OSBPL9: variants seen among roughly 807,000 people sequenced by gnomAD.
OSBPL9 encodes oxysterol binding protein like 9, also known as oxysterol-binding protein-related protein 9.
Under a neutral mutation model 106.6 loss-of-function variants are expected in OSBPL9, and 40 were observed. That is an observed-to-expected ratio of 0.38 (90% CI 0.29 to 0.49). The LOEUF (loss-of-function observed/expected upper bound fraction) is 0.49, where lower values mean the gene tolerates loss of function less well. Among genes scored for constraint, OSBPL9 ranks in the 20% least tolerant of loss-of-function variants. OSBPL9 has a pLI of 0.97. For missense variants in OSBPL9, 609 were observed against 887.2 expected (o/e 0.69, Z 3.98); for synonymous variants, 269 against 295.4 (o/e 0.91, Z 0.92).
chr1:51,656,509 C>T (rs1570842550), intron 2 of OSBPL9, among the ~76,000 whole-genome samples: 3 of 152,062 alleles, frequency 2.0e-5, no homozygotes, highest in African/African-American at 7.2e-5. Context: ...TCTGCACCCC[C>T]TATCTGATGA....
At chr1:51,732,338 C>G (rs1463841989) in intron 4 of OSBPL9, among the ~76,000 whole-genome samples, 2 of 151,856 alleles carry the variant, frequency 1.3e-5, no homozygotes, top group African/African-American at 2.4e-5. Flanking sequence ...TACTGTAGAG[C>G]GAAAACAGAT....
chr1:51,626,377 C>T (rs574744573), intron 1 of OSBPL9, among the ~76,000 whole-genome samples: 1 of 152,000 alleles, frequency 6.6e-6, no homozygotes, highest in East Asian at 1.9e-4. Context: ...TATCTGCTTT[C>T]TCTCCTCTCT....
chr1:51,769,878 GT>G (rs1301266471), intron 12 of OSBPL9, among the ~76,000 whole-genome samples: 1 of 152,128 alleles, frequency 6.6e-6, no homozygotes, highest in African/African-American at 2.4e-5. Context: ...AGATTCATAT[GT>G]TATAGGATTT....
At chr1:51,609,905 G>C (rs549526035) in intron 2 of OSBPL9, among the ~76,000 whole-genome samples, 1 of 151,680 alleles carries the variant, frequency 6.6e-6, no homozygotes, top group African/African-American at 2.4e-5. Context: ...GTGCCACCAC[G>C]CCCGGCTAAT....
the OSBPL9 span, among the ~76,000 whole-genome samples, chr1:51,551,577 T>A: frequency 6.6e-6 from 1 of 151,958 alleles, no homozygotes; most frequent in African/African-American, 2.4e-5. Flanking sequence ...TTTATTTATT[T>A]ATTTATTTAT....
At chr1:51,783,837 A>G (rs1676972109) in intron 17 of OSBPL9, 78 bp from the exon 18 acceptor site, 1 of 1,101,642 alleles carries the variant, frequency 9.1e-7, no homozygotes, top group Non-Finnish European at 1.4e-6. Flanking sequence ...CATGAAGCCA[A>G]TTATTTCCCC....
At chr1:51,661,229 AG>A (rs1326491612) in intron 2 of OSBPL9, among the ~76,000 whole-genome samples, 1 of 152,198 alleles carries the variant, frequency 6.6e-6, no homozygotes, top group Non-Finnish European at 1.5e-5. Flanking sequence ...TCTATGTCTC[AG>A]AGGAGTCATC....
At chr1:51,782,718 A>G in intron 17 of OSBPL9, 75 bp downstream of exon 17, 1 of 1,298,740 alleles carries the variant, frequency 7.7e-7, no homozygotes, top group Admixed American at 1.9e-5. Context: ...AAAGCGCCAT[A>G]GCTGAGGGTA....
intron 3 of OSBPL9, among the ~76,000 whole-genome samples, chr1:51,694,482 C>T (rs1303686602): frequency 1.3e-5 from 2 of 152,134 alleles, no homozygotes; most frequent in African/African-American, 4.8e-5. Context: ...TGCGAATATT[C>T]TTTGATACTC....
At chr1:51,576,945 T>C (rs1028287043), upstream of OSBPL9, among the ~76,000 whole-genome samples, 2 of 152,180 alleles carry the variant, frequency 1.3e-5, no homozygotes, top group South Asian at 4.1e-4. Context: ...CCAAACCTCA[T>C]GTTGAATTGT....
intron 15 of OSBPL9, among the ~76,000 whole-genome samples, chr1:51,780,351 G>T (rs1163158018): frequency 6.6e-6 from 1 of 152,134 alleles, no homozygotes; most frequent in Non-Finnish European, 1.5e-5. Flanking sequence ...ATTTGATTCA[G>T]CAGTCCCACT....
intron 1 of OSBPL9, among the ~76,000 whole-genome samples, chr1:51,619,680 G>A (rs1210485931): frequency 6.6e-6 from 1 of 152,180 alleles, no homozygotes; most frequent in Non-Finnish European, 1.5e-5. Context: ...ATTAGAGGAG[G>A]TCTAGTGAAG....
intron 4 of OSBPL9, among the ~76,000 whole-genome samples, chr1:51,735,150 G>C (rs936857110): frequency 6.6e-6 from 1 of 152,080 alleles, no homozygotes; most frequent in African/African-American, 2.4e-5. Context: ...AAAATGGAAG[G>C]GAAAAAAGGC....
intron 15 of OSBPL9, among the ~76,000 whole-genome samples, chr1:51,777,651 G>A (rs1053295194): frequency 5.3e-5 from 8 of 151,556 alleles, no homozygotes; most frequent in Non-Finnish European, 8.8e-5. Flanking sequence ...TTTTCTTGAT[G>A]AAGATTTAAA....
In OSBPL9 at chr1:51,648,703, T is replaced by G. The variant is rs536532296; in HGVS notation, c.112-3288T>G. On this transcript the variant is annotated intron_variant, in intron 1 of 23. Transcript: ENST00000428468. ...GATTTGCCGGACAGGCATCTCCAAC[T>G]GTGCAACTCAGCCACATTTTACATA... 7.2e-5 allele frequency among the ~76,000 whole-genome samples: 11 copies of G among 152,350 alleles called. 1 individual carries two copies. The South Asian group carries it at 2.1e-3, about 29-fold the overall frequency.
chr1:51,703,141 A>T lies in OSBPL9; in HGVS notation c.242-10862A>T, dbSNP rs1036451150. On this transcript the variant is annotated intron_variant, in intron 3 of 23. Coordinates refer to ENST00000428468, the MANE Select transcript of OSBPL9 (RefSeq NM_024586.6). ...GCAATGTGGGCTCTTTTTTGGTTCCATATGAACTTTAAAGTAGTTTTTTCC... is the reference window on the plus strand; with the variant it reads ...GCAATGTGGGCTCTTTTTTGGTTCCTTATGAACTTTAAAGTAGTTTTTTCC... Among the ~76,000 whole-genome samples the T allele has an allele frequency of 2.8e-4, 43 of 152,250 alleles. No homozygotes were observed. In the East Asian group the frequency reaches 2.9e-3, roughly 10 times the overall value.
At chr1:51,704,094 T>C (rs1208463172) in intron 3 of OSBPL9, among the ~76,000 whole-genome samples, 5 of 152,210 alleles carry the variant, frequency 3.3e-5, no homozygotes, top group African/African-American at 1.2e-4. Flanking sequence ...GGTCTAAAAT[T>C]CTCTCTTTTT....
chr1:51,761,255 GT>G (rs57352256), intron 10 of OSBPL9, among the ~76,000 whole-genome samples: 10,406 of 136,774 alleles, frequency 0.076, 685 homozygotes, highest in African/African-American at 0.19. Context: ...GTTTTGTTTT[GT>G]TTTTTTTTTT....
chr1:51,766,421 G>A (rs1160647519), intron 12 of OSBPL9, among the ~76,000 whole-genome samples: 2 of 152,210 alleles, frequency 1.3e-5, no homozygotes, highest in South Asian at 2.1e-4. Flanking sequence ...CTATCAGCCA[G>A]GCACTGTGCT....
Sources: allele counts gnomAD v4.1 joint callset (sites outside exome capture counted in the v4.1 genomes callset), GRCh38; gene constraint gnomAD v4.1.1; transcripts MANE v1.5; gene names NCBI Gene and HGNC (gene_info 2026-07-23, HGNC 2026-07-21).